The following ELP4 variants were observed in gnomAD, a reference collection of about 807,000 sequenced individuals.
ELP4 encodes elongator acetyltransferase complex subunit 4.
In ELP4, 51 loss-of-function variants were observed where a neutral mutation model predicts 48.9. The ratio of observed to expected loss-of-function variants is 1.04; its 90% CI spans 0.83 to 1.32. ELP4 has a LOEUF of 1.32. Ranked by LOEUF, ELP4 falls within the 40% of genes most tolerant of loss-of-function variation. The pLI is 0.00. For missense variants in ELP4, 519 were observed against 514.6 expected (o/e 1.01, Z -0.08); for synonymous variants, 210 against 189.2 (o/e 1.11, Z -0.90).
chr11:31,672,951 A>C (rs2134109581), intron 9 of ELP4, among the ~76,000 whole-genome samples: 1 of 152,306 alleles, frequency 6.6e-6, no homozygotes, highest in South Asian at 2.1e-4. Context: ...GGAAAGGTAA[A>C]ACTTGGAAAT....
In ELP4 at chr11:31,731,567, G is replaced by GGCGTGTGTGTGT. The variant is rs1554974418; in HGVS notation, c.1144-51825_1144-51824insCGTGTGTGTGTG. Among the ~76,000 whole-genome samples the GGCGTGTGTGTGT allele has an allele frequency of 7.7e-5, 11 of 142,866 alleles. 1 individual carries two copies. The East Asian group carries it at 2.3e-3, about 29-fold the overall frequency. 93.7% of individuals were successfully genotyped at this position (142,866 alleles called of 152,430 possible). On this transcript the variant is annotated intron_variant, in intron 9 of 9. Coordinates refer to ENST00000640961, the MANE Select transcript of ELP4 (RefSeq NM_019040.5). ...GGGACTTATGGTACACCATTAAGCAGGTGTGTGTGTGTGTGTGTGTGTGTG... is the reference window on the plus strand; with the variant it reads ...GGGACTTATGGTACACCATTAAGCAGGCGTGTGTGTGTGTGTGTGTGTGTGTGTGTGTGTGTG...
chr11:31,751,196 TG>T (rs1273813387), intron 9 of ELP4, among the ~76,000 whole-genome samples: 2 of 152,234 alleles, frequency 1.3e-5, no homozygotes, highest in Middle Eastern at 3.2e-3. Context: ...TGGTAGAAAT[TG>T]GCCTTGGCAC....
chr11:31,738,651 G>C (rs1947376669), intron 9 of ELP4, among the ~76,000 whole-genome samples: 1 of 151,838 alleles, frequency 6.6e-6, no homozygotes, highest in East Asian at 1.9e-4. Context: ...TGGGAGGATT[G>C]CTTGAGCCTG....
intron 7 of ELP4, among the ~76,000 whole-genome samples, chr11:31,639,542 A>G (rs1259660861): frequency 6.6e-6 from 1 of 151,910 alleles, no homozygotes; most frequent in Non-Finnish European, 1.5e-5. Flanking sequence ...CGTTATACGT[A>G]TATATTTAAT....
Position 31,550,134 on chromosome 11 carries a change from TA to T in ELP4, c.381+10361del, listed in dbSNP as rs923276909. On this transcript the variant is annotated intron_variant, in intron 3 of 9. Coordinates refer to ENST00000640961, the MANE Select transcript of ELP4 (RefSeq NM_019040.5). ...TACCCTAAAACTTAAAGTATAATAA[TA>T]AAAAAAAAATAAAAAATAATGCCAA... is the stretch of plus-strand genomic sequence containing the variant. Among the ~76,000 whole-genome samples the T allele has an allele frequency of 2.8e-3, 413 of 145,610 alleles. 3 individuals carry two copies. The highest frequency in any genetic ancestry group is 8.1e-3 in the East Asian group (40 of 4,964).
rs1032457543 is a variant in ELP4, at chr11:31,785,392, A to C, written c.*1868A>C. On this transcript the variant is annotated 3_prime_UTR_variant, in exon 10 of 10. Coordinates refer to ENST00000640961, the MANE Select transcript of ELP4 (RefSeq NM_019040.5). ...TCATCAGATATGTAAATTGCTTGTC[A>C]AAATACTTAATAGGTCATTGATATA... The C allele has an allele frequency of 3.8e-5, 7 of 186,324 alleles. No homozygotes were observed. The highest frequency in any genetic ancestry group is 6.8e-5 in the Non-Finnish European group (6 of 88,052). The allele number at this position is 186,324 out of a possible 1,614,324, so 11.5% of individuals were successfully genotyped here. A position where few individuals can be genotyped will look rare whatever the true frequency, so the allele number is the denominator to read the frequency against.
chr11:31,565,966 T>C (rs532060028), intron 3 of ELP4, among the ~76,000 whole-genome samples: 13 of 152,170 alleles, frequency 8.5e-5, no homozygotes, highest in South Asian at 4.1e-4. Flanking sequence ...CCTTGAGCAT[T>C]ATGGCCATTT....
At chr11:31,560,281 A>G (rs1403572630) in intron 3 of ELP4, among the ~76,000 whole-genome samples, 3 of 152,182 alleles carry the variant, frequency 2.0e-5, no homozygotes, top group Non-Finnish European at 4.4e-5. Context: ...ATCTCTGTTT[A>G]AGAAATAATA....
intron 9 of ELP4, chr11:31,652,567 A>T (rs1945343354): frequency 6.6e-6 from 1 of 151,696 alleles, no homozygotes; most frequent in South Asian, 2.1e-4. Context: ...CTGTTTTAAT[A>T]CTCACAACAA....
At chr11:31,715,713 A>G (rs113300457) in intron 9 of ELP4, among the ~76,000 whole-genome samples, 51 of 152,342 alleles carry the variant, frequency 3.3e-4, no homozygotes, top group Non-Finnish European at 6.6e-4. Context: ...GCTTTAGGTT[A>G]GAATCCTTGC....
At chr11:31,780,069 T>C (rs1005517875) in intron 9 of ELP4, 1 of 152,244 alleles carries the variant, frequency 6.6e-6, no homozygotes, top group Admixed American at 6.5e-5. Flanking sequence ...CTGATTTTTC[T>C]TTAAACCATT....
At chr11:31,528,075 C>T (rs538610052) in intron 2 of ELP4, among the ~76,000 whole-genome samples, 2 of 152,234 alleles carry the variant, frequency 1.3e-5, no homozygotes, top group East Asian at 1.9e-4. Context: ...TTAACTACTG[C>T]TTTCCTTCCC....
At chr11:31,664,597 A>C (rs1425369131) in intron 9 of ELP4, 1 of 152,162 alleles carries the variant, frequency 6.6e-6, no homozygotes, top group Non-Finnish European at 1.5e-5. Context: ...TCATGCTTTT[A>C]TTATAACCTG....
intron 3 of ELP4, among the ~76,000 whole-genome samples, chr11:31,578,647 C>A (rs1274903987): frequency 6.6e-6 from 1 of 152,128 alleles, no homozygotes; most frequent in Admixed American, 6.6e-5. Context: ...CATCTACAGC[C>A]ATCTGATCTT....
intron 7 of ELP4, among the ~76,000 whole-genome samples, chr11:31,641,198 G>A (rs531706675): frequency 6.6e-6 from 1 of 151,886 alleles, no homozygotes; most frequent in Admixed American, 6.6e-5. Context: ...TAGGTTTGGC[G>A]CTGTACATCT....
chr11:31,585,051 A>G (rs1565066771), intron 3 of ELP4, among the ~76,000 whole-genome samples: 1 of 152,194 alleles, frequency 6.6e-6, no homozygotes, highest in Non-Finnish European at 1.5e-5. Flanking sequence ...AGTAACAGAT[A>G]TGGATCATAG....
intron 3 of ELP4, among the ~76,000 whole-genome samples, chr11:31,569,552 A>G (rs1198365760): frequency 1.3e-5 from 2 of 152,080 alleles, no homozygotes; most frequent in Non-Finnish European, 2.9e-5. Context: ...GGAGTTCCAG[A>G]CCAGCCTGGC....
chr11:31,694,613 T>C (rs1946359466), intron 9 of ELP4, among the ~76,000 whole-genome samples: 2 of 152,196 alleles, frequency 1.3e-5, no homozygotes, highest in South Asian at 4.1e-4. Context: ...TCTGGCTTTG[T>C]TCTTTTGGCT....
At chr11:31,580,656 T>C in intron 3 of ELP4, 1 of 154,962 alleles carries the variant, frequency 6.5e-6, no homozygotes, top group Non-Finnish European at 1.4e-5. Flanking sequence ...CTATATAACT[T>C]TCTTCTTTTG....
Sources: allele counts gnomAD v4.1 joint callset (sites outside exome capture counted in the v4.1 genomes callset), GRCh38; gene constraint gnomAD v4.1.1; transcripts MANE v1.5; gene names NCBI Gene and HGNC (gene_info 2026-07-23, HGNC 2026-07-21).